LPP: variants seen among roughly 807,000 people sequenced by gnomAD.
LPP encodes lipoma-preferred partner.
Under a neutral mutation model 60.4 loss-of-function variants are expected in LPP, and 38 were observed. The observed-to-expected ratio is 0.63, with a 90% CI of 0.49 to 0.83. The LOEUF (loss-of-function observed/expected upper bound fraction) is 0.83, where lower values mean the gene tolerates loss of function less well. LPP is among the 40% of genes least tolerant of loss of function. LPP has a pLI of 0.00. For synonymous variants in LPP, 328 were observed against 290.8 expected, an observed-to-expected ratio of 1.13 and a Z score of -1.30; for missense variants, 902 against 783.6, an observed-to-expected ratio of 1.15 and a Z score of -1.80.
intron 3 of LPP, among the ~76,000 whole-genome samples, chr3:188,373,544 T>G (rs959338543): frequency 1.3e-5 from 2 of 152,182 alleles, no homozygotes; most frequent in African/African-American, 4.8e-5. Context: ...TCCCACTTTT[T>G]GATGGGGTTG....
intron 2 of LPP, among the ~76,000 whole-genome samples, chr3:188,315,222 C>T (rs1754685746): frequency 6.6e-6 from 1 of 151,774 alleles, no homozygotes; most frequent in African/African-American, 2.4e-5. Context: ...GTTTTCATTT[C>T]CTCTGTATTT....
intron 6 of LPP, among the ~76,000 whole-genome samples, chr3:188,586,808 A>C (rs920417461): frequency 6.6e-6 from 1 of 150,486 alleles, no homozygotes; most frequent in Non-Finnish European, 1.5e-5. Context: ...GCTCACTGCA[A>C]CCTCCACCTC....
At chr3:188,285,223 G>A (rs1006788914) in intron 2 of LPP, among the ~76,000 whole-genome samples, 2 of 152,094 alleles carry the variant, frequency 1.3e-5, no homozygotes, top group African/African-American at 4.8e-5. Context: ...ATTGTTGGTC[G>A]TAGGATAATA....
intron 2 of LPP, among the ~76,000 whole-genome samples, chr3:188,278,984 C>T (rs1410405173): frequency 2.0e-5 from 3 of 152,170 alleles, no homozygotes; most frequent in African/African-American, 7.2e-5. Flanking sequence ...TTTTTAATAG[C>T]CCCTGGAGGT....
At chr3:188,425,954 A>G (rs1484098895) in intron 4 of LPP, among the ~76,000 whole-genome samples, 1 of 151,956 alleles carries the variant, frequency 6.6e-6, no homozygotes, top group African/African-American at 2.4e-5. Context: ...TATCTCCTCC[A>G]GTTCTGCTCT....
intron 7 of LPP, among the ~76,000 whole-genome samples, chr3:188,699,088 G>A (rs7631995): frequency 0.18 from 27,909 of 152,120 alleles, 3,275 homozygotes; most frequent in Middle Eastern, 0.39. Flanking sequence ...ATGTTACAAA[G>A]CTTCTTCATA....
chr3:188,262,732 TCACA>T (rs554027168), intron 2 of LPP, among the ~76,000 whole-genome samples: 1 of 150,998 alleles, frequency 6.6e-6, no homozygotes, highest in African/African-American at 2.4e-5. Flanking sequence ...TCTCTCTGTC[TCACA>T]CACACACACG....
chr3:188,507,046 C>A (rs551582019), intron 5 of LPP, among the ~76,000 whole-genome samples: 38 of 150,748 alleles, frequency 2.5e-4, no homozygotes, highest in African/African-American at 8.7e-4. Context: ...GTCCACCTAC[C>A]TCGGCCTCCC....
intron 2 of LPP, among the ~76,000 whole-genome samples, chr3:188,308,869 TGTTCTC>T (rs1229826258): frequency 2.2e-4 from 32 of 143,364 alleles, no homozygotes; most frequent in African/African-American, 6.2e-4. Flanking sequence ...TTCTTGTTCT[TGTTCTC>T]GTTCTCGTTC....
intron 4 of LPP, among the ~76,000 whole-genome samples, chr3:188,414,137 A>T (rs1785556884): frequency 1.3e-5 from 2 of 152,102 alleles, no homozygotes; most frequent in South Asian, 2.1e-4. Context: ...AACATTATTA[A>T]TAATAATAGT....
rs201245983 is a variant in LPP, at chr3:188,316,612, AC to A, written c.-66-25049del. ...TCCAGGATAGAAATGATAACGATGA[AC>A]CTGCTGTAGTGCAGGGAAAGATGCA... On this transcript the variant is annotated intron_variant, in intron 2 of 11. Transcript: ENST00000617246. Among the ~76,000 whole-genome samples the A allele has an allele frequency of 6.7e-3, 1,017 of 152,264 alleles. 14 individuals are homozygous for A. Among genetic ancestry groups the A allele is most frequent in the African/African-American group, 0.024 (989 of 41,544 alleles).
chr3:188,279,660 G>A (rs1051739675), intron 2 of LPP, among the ~76,000 whole-genome samples: 2 of 152,220 alleles, frequency 1.3e-5, no homozygotes, highest in African/African-American at 4.8e-5. Context: ...GGGTGTTGTA[G>A]AAAGTAATTA....
chr3:188,781,796 G>A (rs1237392598), intron 9 of LPP, among the ~76,000 whole-genome samples: 11 of 151,552 alleles, frequency 7.3e-5, no homozygotes, highest in African/African-American at 2.7e-4. Flanking sequence ...GGAGGCTGAG[G>A]CAGGAGAATC....
At chr3:188,619,228 T>C (rs1468054403) in intron 7 of LPP, among the ~76,000 whole-genome samples, 2 of 152,210 alleles carry the variant, frequency 1.3e-5, no homozygotes, top group Non-Finnish European at 2.9e-5. Flanking sequence ...TTTTACCATG[T>C]TGGCTAGGTT....
chr3:188,583,676 A>G (rs2151013150), intron 6 of LPP, among the ~76,000 whole-genome samples: 1 of 152,312 alleles, frequency 6.6e-6, no homozygotes, highest in East Asian at 1.9e-4. Flanking sequence ...TCAGCTGCCA[A>G]GAGCTTAGCA....
At chr3:188,746,968 A>G (rs1262204782) in intron 8 of LPP, among the ~76,000 whole-genome samples, 1 of 152,178 alleles carries the variant, frequency 6.6e-6, no homozygotes, top group East Asian at 1.9e-4. Flanking sequence ...CTTCATCAAA[A>G]TTTAGTTTGT....
At chr3:188,618,487 T>C (rs1041149121) in intron 7 of LPP, among the ~76,000 whole-genome samples, 1 of 152,206 alleles carries the variant, frequency 6.6e-6, no homozygotes, top group East Asian at 1.9e-4. Flanking sequence ...TGACGTCGCC[T>C]CACTGCCAGC....
intron 4 of LPP, among the ~76,000 whole-genome samples, chr3:188,463,444 G>T (rs1799626048): frequency 6.6e-6 from 1 of 151,980 alleles, no homozygotes; most frequent in Non-Finnish European, 1.5e-5. Flanking sequence ...TGATCCTCAA[G>T]TGATTAACCT....
At chr3:188,179,182 G>C in intron 1 of LPP, 1 of 448,926 alleles carries the variant, frequency 2.2e-6, no homozygotes, top group South Asian at 1.6e-5. Context: ...TATCATAGAA[G>C]CATGCTGCCC....
Sources: allele counts gnomAD v4.1 joint callset (sites outside exome capture counted in the v4.1 genomes callset), GRCh38; gene constraint gnomAD v4.1.1; transcripts MANE v1.5; gene names NCBI Gene and HGNC (gene_info 2026-07-23, HGNC 2026-07-21).